The following PHF14 variants were observed in gnomAD, a reference collection of about 807,000 sequenced individuals.
The protein encoded by PHF14 is PHD finger protein 14.
A neutral mutation model predicts 117.9 loss-of-function variants in PHF14; 55 were observed. That is an observed-to-expected ratio of 0.47 (90% CI 0.38 to 0.58). The LOEUF is 0.58. Among genes scored for constraint, PHF14 ranks in the 20% least tolerant of loss-of-function variants. The pLI is 0.00. For synonymous variants in PHF14, 409 were observed against 368.6 expected (o/e 1.11, Z -1.26); for missense variants, 978 against 1,122.2 (o/e 0.87, Z 1.84).
intron 17 of PHF14, among the ~76,000 whole-genome samples, chr7:11,114,462 G>C (rs1485965717): frequency 1.3e-5 from 2 of 152,138 alleles, no homozygotes; most frequent in African/African-American, 4.8e-5. Flanking sequence ...AATTCCGTAA[G>C]TCTAATAAGA....
intron 16 of PHF14, among the ~76,000 whole-genome samples, chr7:11,100,298 T>C (rs929141631): frequency 6.6e-6 from 1 of 151,948 alleles, no homozygotes; most frequent in African/African-American, 2.4e-5. Flanking sequence ...TTTTAAGTCA[T>C]TTTGGCCTGG....
intron 17 of PHF14, among the ~76,000 whole-genome samples, chr7:11,122,352 T>TATATATATATATATATATATATAC: frequency 9.1e-5 from 6 of 65,876 alleles, no homozygotes; most frequent in Admixed American, 1.8e-4. Flanking sequence ...TATATATATA[T>TATATATATATATATATATATATAC]ACACACACAC....
chr7:11,137,743 G>A (rs963376340), intron 17 of PHF14, among the ~76,000 whole-genome samples: 3 of 151,022 alleles, frequency 2.0e-5, no homozygotes, highest in Admixed American at 6.6e-5. Flanking sequence ...CTGCCACCAC[G>A]CCTGGCTAAT....
intron 4 of PHF14, among the ~76,000 whole-genome samples, chr7:11,008,985 G>A: frequency 6.8e-6 from 1 of 146,642 alleles, no homozygotes. Flanking sequence ...GCAGTGAGCT[G>A]AGATCATGCC....
chr7:11,050,050 C>T (rs545000026), intron 13 of PHF14, among the ~76,000 whole-genome samples: 23 of 152,136 alleles, frequency 1.5e-4, no homozygotes, highest in African/African-American at 3.4e-4. Context: ...TAAATTAATA[C>T]GTTAAGGATT....
At chr7:11,050,113 G>A (rs748492461) in intron 13 of PHF14, among the ~76,000 whole-genome samples, 6 of 152,022 alleles carry the variant, frequency 3.9e-5, no homozygotes, top group Non-Finnish European at 8.8e-5. Context: ...ATGGTACTTG[G>A]TATTTAACTC....
intron 2 of PHF14, among the ~76,000 whole-genome samples, chr7:10,977,378 G>A (rs1225609522): frequency 1.3e-5 from 2 of 152,052 alleles, no homozygotes; most frequent in Non-Finnish European, 2.9e-5. Context: ...TGGCTAACTG[G>A]ATTCCGTGGA....
intron 5 of PHF14, among the ~76,000 whole-genome samples, chr7:11,018,961 T>C (rs1377777662): frequency 1.3e-5 from 2 of 152,208 alleles, no homozygotes; most frequent in Non-Finnish European, 2.9e-5. Flanking sequence ...ATGTTGAATT[T>C]TATTAAATGC....
chr7:11,151,196 G>A (rs991878193), intron 17 of PHF14, among the ~76,000 whole-genome samples: 1 of 152,082 alleles, frequency 6.6e-6, no homozygotes, highest in African/African-American at 2.4e-5. Context: ...GAACAATGTG[G>A]TTGCCACATA....
At chr7:11,021,961 C>T (rs1002233583) in intron 5 of PHF14, among the ~76,000 whole-genome samples, 3 of 152,058 alleles carry the variant, frequency 2.0e-5, no homozygotes, top group African/African-American at 4.8e-5. Context: ...TTAATATATT[C>T]ACAGGGTTAA....
intron 7 of PHF14, 122 bp downstream of exon 7, chr7:11,028,940 G>T (rs900452501): frequency 1.2e-6 from 1 of 813,426 alleles, no homozygotes; most frequent in African/African-American, 1.8e-5. Flanking sequence ...TTCTTGCCAA[G>T]ATCACTGTTC....
chr7:11,108,937 A>G (rs768602425), intron 16 of PHF14: 7 of 151,782 alleles, frequency 4.6e-5, no homozygotes, highest in Non-Finnish European at 1.0e-4. Flanking sequence ...ATATGCAGTA[A>G]TTAGGTAGTA....
chr7:11,041,456 G>A (rs535127815), intron 12 of PHF14, among the ~76,000 whole-genome samples: 13 of 151,134 alleles, frequency 8.6e-5, no homozygotes, highest in Non-Finnish European at 1.9e-4. Flanking sequence ...GTATGTGTGT[G>A]TATATTTATC....
At chr7:11,151,715 G>A (rs1013794827) in intron 17 of PHF14, among the ~76,000 whole-genome samples, 1 of 152,018 alleles carries the variant, frequency 6.6e-6, no homozygotes, top group Non-Finnish European at 1.5e-5. Flanking sequence ...AGTCATGCAT[G>A]GCCCTAGCTC....
At chr7:11,142,312 A>T (rs1377788583) in intron 17 of PHF14, among the ~76,000 whole-genome samples, 4 of 152,190 alleles carry the variant, frequency 2.6e-5, no homozygotes, top group African/African-American at 9.6e-5. Flanking sequence ...ATAGTGATAC[A>T]CATAGCAATT....
chr7:11,050,157 G>T (rs1196360408), intron 13 of PHF14, among the ~76,000 whole-genome samples: 1 of 152,076 alleles, frequency 6.6e-6, no homozygotes, highest in East Asian at 1.9e-4. Flanking sequence ...CTGTCACTTT[G>T]ACAATTAAAT....
At chr7:11,089,248 CTGT>C (rs1421195369) in intron 16 of PHF14, among the ~76,000 whole-genome samples, 1 of 152,248 alleles carries the variant, frequency 6.6e-6, no homozygotes, top group Non-Finnish European at 1.5e-5. Context: ...AAGTTATCAG[CTGT>C]TTGCGTATGT....
chr7:11,081,324 T>C (rs1368350012), intron 16 of PHF14, among the ~76,000 whole-genome samples: 1 of 152,180 alleles, frequency 6.6e-6, no homozygotes, highest in African/African-American at 2.4e-5. Flanking sequence ...GGAGGACTCT[T>C]TCCAGAGGAA....
At chr7:11,016,841 C>G (rs1246098342) in intron 5 of PHF14, among the ~76,000 whole-genome samples, 2 of 152,048 alleles carry the variant, frequency 1.3e-5, no homozygotes, top group Non-Finnish European at 2.9e-5. Context: ...CTTAGTCTTT[C>G]CACTTTTTCG....
Sources: allele counts gnomAD v4.1 joint callset (sites outside exome capture counted in the v4.1 genomes callset), GRCh38; gene constraint gnomAD v4.1.1; transcripts MANE v1.5; gene names NCBI Gene and HGNC (gene_info 2026-07-23, HGNC 2026-07-21).